MSN: variants seen among roughly 807,000 people sequenced by gnomAD.
The protein encoded by MSN is moesin.
MSN carries 2 observed loss-of-function variants against 48.0 expected under a neutral mutation model. The observed-to-expected ratio is 0.04, with a 90% CI of 0.02 to 0.13. The LOEUF (loss-of-function observed/expected upper bound fraction) is 0.13. Ranked by LOEUF, MSN falls within the 10% of genes least tolerant of loss-of-function variation. MSN has a pLI of 1.00. For missense variants in MSN, 267 were observed against 470.1 expected, an observed-to-expected ratio of 0.57 and a Z score of 3.99; for synonymous variants, 146 against 166.9, an observed-to-expected ratio of 0.87 and a Z score of 0.97.
In MSN at chrX:65,687,962, A is replaced by G. The variant is rs1451009698; in HGVS notation, c.12+20109A>G. 3.6e-5 allele frequency among the ~76,000 whole-genome samples: 4 copies of G among 111,885 alleles called. No homozygotes were observed. In the East Asian group the frequency reaches 1.1e-3, roughly 31 times the overall value. On this transcript the variant is annotated intron_variant, in intron 1 of 12. Transcript: ENST00000360270. The stretch of plus-strand genomic sequence containing the variant: ...TTAACATCCCAGAAAAAGAAATTCT[A>G]GGGTTAGGAAGCTGGAAAGGATTTA...
intron 1 of MSN, among the ~76,000 whole-genome samples, chrX:65,640,010 C>T (rs1028875573): frequency 1.8e-5 from 2 of 111,415 alleles, no homozygotes; most frequent in Admixed American, 9.5e-5. Context: ...AAAGGAAGGA[C>T]ACACATGGCA....
intron 1 of MSN, among the ~76,000 whole-genome samples, chrX:65,696,346 G>C (rs1331856185): frequency 8.9e-6 from 1 of 111,776 alleles, no homozygotes; most frequent in Non-Finnish European, 1.9e-5. Flanking sequence ...CTGTGTCAAT[G>C]ATGTGGGTTC....
At chrX:65,592,591 G>T (rs1460006566) in intron 1 of MSN, among the ~76,000 whole-genome samples, 2 of 111,255 alleles carry the variant, frequency 1.8e-5, no homozygotes, top group Non-Finnish European at 3.8e-5. Flanking sequence ...TAATCACAAT[G>T]TATTAGTCAA....
intron 1 of MSN, among the ~76,000 whole-genome samples, chrX:65,628,981 G>A (rs1044511334): frequency 8.3e-5 from 9 of 107,956 alleles, no homozygotes; most frequent in East Asian, 2.9e-4. Flanking sequence ...CAGGAGAATC[G>A]CTTAAACCTG....
At chrX:65,686,463 G>T (rs1480851606) in intron 1 of MSN, among the ~76,000 whole-genome samples, 1 of 112,882 alleles carries the variant, frequency 8.9e-6, no homozygotes, top group Non-Finnish European at 1.9e-5. Flanking sequence ...ACAGGAAGCT[G>T]CCTGCACACT....
intron 1 of MSN, among the ~76,000 whole-genome samples, chrX:65,599,712 G>A (rs2070218029): frequency 1.8e-5 from 2 of 111,795 alleles, no homozygotes; most frequent in South Asian, 7.5e-4. Context: ...AGCACAAGGG[G>A]TAGGAGTGCT....
In MSN at chrX:65,617,005, A is replaced by G. The variant is rs1227029473; in HGVS notation, c.-22+28393A>G. Among the ~76,000 whole-genome samples the G allele has an allele frequency of 5.5e-5, 6 of 109,591 alleles. No individual in the cohort carries two copies. In the East Asian group the frequency reaches 1.7e-3, roughly 31 times the overall value. On this transcript the variant is annotated intron_variant, in intron 1 of 3. Coordinates refer to the MSN transcript ENST00000609672. ...TTTGGCTCTGTTTATATGCTGGATTACATTTATTGATTTGCATATATTGAA... is the reference window on the plus strand; with the variant it reads ...TTTGGCTCTGTTTATATGCTGGATTGCATTTATTGATTTGCATATATTGAA...
In MSN at chrX:65,740,130, T is replaced by C. The variant is rs2071721555; in HGVS notation, c.*237T>C. On this transcript the variant is annotated 3_prime_UTR_variant, in exon 13 of 13. Transcript: ENST00000360270. ...AACCTCCTTTCTCTTCTCTGTTCCA[T>C]TGAATCTGTATGGCTAGAATATCCT... 1 of 328,263 alleles carries C rather than the reference T, an allele frequency of 3.0e-6. No individual in the cohort carries two copies. Among genetic ancestry groups the C allele is most frequent in the South Asian group, 1.3e-4 (1 of 7,654 alleles). 27.1% of individuals were successfully genotyped at this position (328,263 alleles called of 1,213,427 possible).
intron 1 of MSN, among the ~76,000 whole-genome samples, chrX:65,633,196 A>G (rs1054029000): frequency 3.6e-5 from 4 of 111,261 alleles, no homozygotes; most frequent in Non-Finnish European, 1.9e-5. Flanking sequence ...TTACCCCCAT[A>G]GACATTGGAG....
chrX:65,679,881 G>A, intron 1 of MSN, among the ~76,000 whole-genome samples: 1 of 112,585 alleles, frequency 8.9e-6, no homozygotes, highest in Non-Finnish European at 1.9e-5. Context: ...GCATCCTTGG[G>A]CAGTTTAACC....
At chrX:65,666,115 T>C (rs1009882451), upstream of MSN, among the ~76,000 whole-genome samples, 2 of 109,381 alleles carry the variant, frequency 1.8e-5, no homozygotes, top group Non-Finnish European at 3.8e-5. Flanking sequence ...CGGAAGCGAT[T>C]CTCCTGCCTC....
rs939182092 is a variant in MSN at position 65,660,974 on chromosome X, G to GT, written c.-21-55837dup. On this transcript the variant is annotated intron_variant, in intron 1 of 3. Transcript: ENST00000609672. Reference sequence around the variant, plus strand: ...CTCTTTTATTTGTTTGTTTTGTTTTGTTTTTTTGAGATGGAGTCTTCCTCT... The same window carrying GT: ...CTCTTTTATTTGTTTGTTTTGTTTTGTTTTTTTTGAGATGGAGTCTTCCTCT... 2.8e-5 allele frequency among the ~76,000 whole-genome samples: 3 copies of GT among 107,921 alleles called. No homozygotes were observed. The Admixed American group carries it at 3.0e-4, about 11-fold the overall frequency. 93.7% of individuals were successfully genotyped at this position (107,921 alleles called of 115,157 possible).
chrX:65,711,107 G>A (rs2071410204), intron 1 of MSN, among the ~76,000 whole-genome samples: 2 of 110,729 alleles, frequency 1.8e-5, no homozygotes, highest in African/African-American at 6.6e-5. Flanking sequence ...TGCCCAGGCT[G>A]GAGTGCAATG....
intron 1 of MSN, among the ~76,000 whole-genome samples, chrX:65,592,113 G>A (rs749387331): frequency 9.3e-6 from 1 of 107,743 alleles, no homozygotes; most frequent in Non-Finnish European, 1.9e-5. Flanking sequence ...GCCTTTGAAG[G>A]TCCTCAGAGA....
At chrX:65,642,972 C>A (rs1280860233) in intron 1 of MSN, among the ~76,000 whole-genome samples, 1 of 110,633 alleles carries the variant, frequency 9.0e-6, no homozygotes, top group Admixed American at 9.7e-5. Flanking sequence ...CCCTCCCTAG[C>A]CACCCCATCC....
chrX:65,636,027 T>C (rs2070596435), intron 1 of MSN, among the ~76,000 whole-genome samples: 1 of 111,993 alleles, frequency 8.9e-6, no homozygotes, highest in Non-Finnish European at 1.9e-5. Context: ...AAGAATCTCT[T>C]AAATCCATTT....
chrX:65,700,720 T>G (rs2071293872), intron 1 of MSN, among the ~76,000 whole-genome samples: 1 of 112,187 alleles, frequency 8.9e-6, no homozygotes, highest in African/African-American at 3.2e-5. Context: ...GTTTCCTCAT[T>G]CATAAAATGG....
chrX:65,592,865 A>G (rs1372281923), intron 1 of MSN, among the ~76,000 whole-genome samples: 1 of 110,214 alleles, frequency 9.1e-6, no homozygotes, highest in East Asian at 2.9e-4. Context: ...ATATGGTGAA[A>G]CCTCGTCTCT....
intron 1 of MSN, among the ~76,000 whole-genome samples, chrX:65,632,691 A>T (rs1274634221): frequency 8.9e-6 from 1 of 111,751 alleles, no homozygotes; most frequent in Non-Finnish European, 1.9e-5. Context: ...TGACTTGGGC[A>T]TATAGTACCT....
Sources: allele counts gnomAD v4.1 joint callset (sites outside exome capture counted in the v4.1 genomes callset), GRCh38; gene constraint gnomAD v4.1.1; transcripts MANE v1.5; gene names NCBI Gene and HGNC (gene_info 2026-07-23, HGNC 2026-07-21).